The following SEC14L1 variants were observed in gnomAD, a reference collection of about 807,000 sequenced individuals.
The protein encoded by SEC14L1 is SEC14-like protein 1.
A neutral mutation model predicts 85.3 loss-of-function variants in SEC14L1; 48 were observed. That is an observed-to-expected ratio of 0.56 (90% CI 0.45 to 0.72). SEC14L1 has a LOEUF of 0.72. Among genes scored for constraint, SEC14L1 ranks in the 30% least tolerant of loss-of-function variants. The pLI is 0.00. For synonymous variants in SEC14L1, 391 were observed against 355.5 expected (o/e 1.10, Z -1.12); for missense variants, 682 against 921.4 (o/e 0.74, Z 3.36).
At chr17:77,124,998 TTTTTA>T in intron 3 of SEC14L1, among the ~76,000 whole-genome samples, 1 of 38,184 alleles carries the variant, frequency 2.6e-5, no homozygotes. Flanking sequence ...ATTATTATTA[TTTTTA>T]TTATTATTAT....
intron 3 of SEC14L1, among the ~76,000 whole-genome samples, chr17:77,147,373 TAAA>T (rs146324385): frequency 1.3e-5 from 2 of 149,214 alleles, no homozygotes; most frequent in Non-Finnish European, 3.0e-5. Context: ...TCAGTACCAT[TAAA>T]AAAAAAACAT....
At chr17:77,185,399 G>A (rs776031903) in intron 3 of SEC14L1, 2 of 985,184 alleles carry the variant, frequency 2.0e-6, no homozygotes, top group Non-Finnish European at 2.4e-6. Flanking sequence ...GTGAACGTCT[G>A]TGCAAATATG....
At chr17:77,138,361 C>T (rs1206307960), upstream of SEC14L1, among the ~76,000 whole-genome samples, 2 of 152,098 alleles carry the variant, frequency 1.3e-5, no homozygotes, top group Non-Finnish European at 2.9e-5. Context: ...GTGGTTCACT[C>T]CTGTAATACC....
intron 4 of SEC14L1, 24 bp from the exon 5 acceptor site, chr17:77,191,157 T>G (rs1225830560): frequency 4.4e-6 from 7 of 1,602,870 alleles, no homozygotes; most frequent in Non-Finnish European, 6.0e-6. Flanking sequence ...AATAAACCCA[T>G]TTCTCTTTCT....
rs530759626 is a variant in SEC14L1 at position 77,150,671 on chromosome 17, G to A, written c.63+7012G>A. Among the ~76,000 whole-genome samples the A allele has an allele frequency of 1.6e-3, 243 of 152,264 alleles. 2 individuals are homozygous for A. Among genetic ancestry groups the A allele is most frequent in the African/African-American group, 5.6e-3 (233 of 41,556 alleles). Reference sequence around the variant, plus strand: ...TGCCCGAGGGAGAACACTTTCTGACGGGCAGCTGTGCCCATGTTGGGCAGC... The same window carrying A: ...TGCCCGAGGGAGAACACTTTCTGACAGGCAGCTGTGCCCATGTTGGGCAGC... On this transcript the variant is annotated intron_variant, in intron 3 of 16. Transcript: ENST00000436233.
chr17:77,122,209 T>G (rs1372067881), intron 3 of SEC14L1, among the ~76,000 whole-genome samples: 1 of 152,144 alleles, frequency 6.6e-6, no homozygotes, highest in East Asian at 1.9e-4. Context: ...TGACACCAAA[T>G]CAGTTGTTTA....
Position 77,216,792 on chromosome 17 carries a change from T to C in SEC14L1, c.*2769T>C. Reference sequence around the variant, plus strand: ...CAGGGTTTCCTCCCGAGTAATCCAATCTCACTCCCCTTGTAAGGGAATTCT... The same window carrying C: ...CAGGGTTTCCTCCCGAGTAATCCAACCTCACTCCCCTTGTAAGGGAATTCT... On this transcript the variant is annotated 3_prime_UTR_variant, in exon 17 of 17. Transcript: ENST00000436233. 2 of 682,018 alleles carry C rather than the reference T, an allele frequency of 2.9e-6. No individual in the cohort carries two copies. The highest frequency in any genetic ancestry group is 4.7e-6 in the Non-Finnish European group (2 of 425,018). The allele number at this position is 682,018 out of a possible 1,614,324, so 42.2% of individuals were successfully genotyped here.
intron 3 of SEC14L1, among the ~76,000 whole-genome samples, chr17:77,158,861 G>T (rs1273929508): frequency 8.6e-6 from 1 of 115,740 alleles, no homozygotes; most frequent in Admixed American, 1.2e-4. Context: ...GCCTAGGCTG[G>T]AGTGCAGTGG....
At chr17:77,116,350 T>C (rs1018478297) in intron 3 of SEC14L1, among the ~76,000 whole-genome samples, 11 of 151,994 alleles carry the variant, frequency 7.2e-5, no homozygotes, top group Admixed American at 7.2e-4. Flanking sequence ...ACTATAATAA[T>C]GATGTGAGTA....
rs140827292 is a variant in SEC14L1 at position 77,177,816 on chromosome 17, C to G, written c.64-12987C>G. Among the ~76,000 whole-genome samples the G allele has an allele frequency of 1.4e-3, 206 of 152,274 alleles. 2 individuals are homozygous for G. In the Middle Eastern group the frequency reaches 0.014, roughly 10 times the overall value. ...TTCAAAACTTAGAAGCTGTAATCCT[C>G]TGCTGGATACTGTGAAATAACTGAC... On this transcript the variant is annotated intron_variant, in intron 3 of 16. Transcript: ENST00000436233.
intron 3 of SEC14L1, among the ~76,000 whole-genome samples, chr17:77,155,702 A>C (rs1973778377): frequency 6.6e-6 from 1 of 152,194 alleles, no homozygotes; most frequent in African/African-American, 2.4e-5. Context: ...CAAGTTTCAA[A>C]TGATGAAGTG....
chr17:77,161,301 A>G (rs141234580), intron 3 of SEC14L1, among the ~76,000 whole-genome samples: 1,831 of 152,346 alleles, frequency 0.012, 22 homozygotes, highest in South Asian at 0.046. Flanking sequence ...AGTCTGGCCA[A>G]CATGGTGAAA....
In SEC14L1 at chr17:77,175,633, C is replaced by T. The variant is rs574789974; in HGVS notation, c.64-15170C>T. The stretch of plus-strand genomic sequence containing the variant: ...TCTTAGATAAAACAATACTTGAAGT[C>T]ACTAGTTACAGAGAACAGGAATCTA... On this transcript the variant is annotated intron_variant, in intron 3 of 16. Coordinates refer to ENST00000436233, the MANE Select transcript of SEC14L1 (RefSeq NM_001143998.2). Among the ~76,000 whole-genome samples the T allele has an allele frequency of 3.5e-4, 53 of 152,276 alleles. No homozygotes were observed. The Middle Eastern group carries it at 0.02, about 59-fold the overall frequency.
Position 77,115,931 on chromosome 17 carries a change from T to A in SEC14L1, c.-136+22584T>A, listed in dbSNP as rs1044498417. Among the ~76,000 whole-genome samples, 25 of 143,542 alleles carry A rather than the reference T, an allele frequency of 1.7e-4. 1 individual carries two copies. The East Asian group carries it at 2.2e-3, about 12-fold the overall frequency. 94.2% of individuals were successfully genotyped at this position (143,542 alleles called of 152,430 possible). On this transcript the variant is annotated intron_variant, in intron 3 of 19. Transcript: ENST00000392476. ...TTTGACTCTCCTTTTTTTTTTTTTT[T>A]AAATTTTGAGACAGAGTCTCACTCT...
chr17:77,155,882 C>T (rs996637221), intron 3 of SEC14L1, among the ~76,000 whole-genome samples: 2 of 152,100 alleles, frequency 1.3e-5, no homozygotes, highest in Non-Finnish European at 2.9e-5. Context: ...GCCCAGTCCA[C>T]GTACCTCATC....
intron 3 of SEC14L1, among the ~76,000 whole-genome samples, chr17:77,183,868 G>A (rs181422222): frequency 3.2e-4 from 48 of 151,788 alleles, no homozygotes; most frequent in Non-Finnish European, 1.6e-4. Flanking sequence ...GGGTGGTTGT[G>A]TAGACTGTTC....
At position 77,191,014 on chromosome 17, in the gene SEC14L1, T is replaced by C. The variant is rs137927890; in HGVS notation, c.213+62T>C. On this transcript the variant is annotated intron_variant, in intron 4 of 16. Transcript: ENST00000436233. ...GTCCTGGTGGGAGAGGGCGTCCTGG[T>C]GGGAGAGGGCGTCCTGGAGGGAGAG... The C allele has an allele frequency of 2.5e-6, 4 of 1,576,808 alleles. No homozygotes were observed. In the Admixed American group the frequency reaches 6.9e-5, roughly 27 times the overall value.
intron 10 of SEC14L1, among the ~76,000 whole-genome samples, chr17:77,204,055 C>T (rs1976324183): frequency 6.6e-6 from 1 of 152,164 alleles, no homozygotes; most frequent in African/African-American, 2.4e-5. Context: ...GCTGACCCAT[C>T]ATCTCGCTGA....
At chr17:77,156,751 C>T (rs966211244) in intron 3 of SEC14L1, among the ~76,000 whole-genome samples, 1 of 151,696 alleles carries the variant, frequency 6.6e-6, no homozygotes, top group African/African-American at 2.4e-5. Flanking sequence ...GTCGTTTGGT[C>T]GGCTGTATTT....
Sources: allele counts gnomAD v4.1 joint callset (sites outside exome capture counted in the v4.1 genomes callset), GRCh38; gene constraint gnomAD v4.1.1; transcripts MANE v1.5; gene names NCBI Gene and HGNC (gene_info 2026-07-23, HGNC 2026-07-21).